The following FSIP1 variants were observed in gnomAD, a reference collection of about 807,000 sequenced individuals.
FSIP1 encodes the protein fibrous sheath interacting protein 1, also known as fibrous sheath-interacting protein 1.
In FSIP1, 65 loss-of-function variants were observed where a neutral mutation model predicts 60.9. That is an observed-to-expected ratio of 1.07 (90% CI 0.87 to 1.31). The LOEUF (loss-of-function observed/expected upper bound fraction) is 1.31. Among genes scored for constraint, FSIP1 ranks in the 40% most tolerant of loss-of-function variants. The pLI is 0.00. For synonymous variants in FSIP1, 209 were observed against 221.2 expected (o/e 0.94, Z 0.49); for missense variants, 675 against 665.5 (o/e 1.01, Z -0.16).
intron 11 of FSIP1, among the ~76,000 whole-genome samples, 155 bp downstream of exon 11, chr15:39,617,580 A>G (rs1359302065): frequency 6.6e-6 from 1 of 152,234 alleles, no homozygotes; most frequent in Non-Finnish European, 1.5e-5. Flanking sequence ...TCATAAGAGC[A>G]TTGGGAAATA....
intron 10 of FSIP1, among the ~76,000 whole-genome samples, chr15:39,650,908 C>T (rs1892841446): frequency 6.6e-6 from 1 of 152,182 alleles, no homozygotes; most frequent in South Asian, 2.1e-4. Flanking sequence ...ATTTAGGTTT[C>T]CTGTCATTTG....
At chr15:39,657,374 T>C (rs1893112316) in intron 10 of FSIP1, among the ~76,000 whole-genome samples, 1 of 152,162 alleles carries the variant, frequency 6.6e-6, no homozygotes. Flanking sequence ...TTCACACACA[T>C]CATATTTGAT....
intron 10 of FSIP1, among the ~76,000 whole-genome samples, chr15:39,711,227 T>C (rs1458667725): frequency 1.3e-5 from 2 of 152,172 alleles, no homozygotes; most frequent in African/African-American, 2.4e-5. Context: ...GCTGGCAGGT[T>C]TGGTGCCTAG....
At chr15:39,736,259 AC>A (rs1482458624) in intron 8 of FSIP1, among the ~76,000 whole-genome samples, 3 of 151,800 alleles carry the variant, frequency 2.0e-5, no homozygotes, top group Admixed American at 1.3e-4. Context: ...TCCCTCACCC[AC>A]CCCTTTCCCC....
intron 11 of FSIP1, among the ~76,000 whole-genome samples, chr15:39,610,289 T>C (rs11070223): frequency 0.21 from 32,654 of 152,134 alleles, 4,521 homozygotes; most frequent in African/African-American, 0.38. Context: ...CCAAAATTTG[T>C]GGAAATATGA....
At chr15:39,749,837 T>C (rs947761396) in intron 5 of FSIP1, among the ~76,000 whole-genome samples, 31 of 151,886 alleles carry the variant, frequency 2.0e-4, no homozygotes, top group African/African-American at 7.2e-4. Context: ...AAAGAAATAA[T>C]AGGCATCCAA....
chr15:39,611,310 G>T (rs1891021359), intron 11 of FSIP1, among the ~76,000 whole-genome samples: 1 of 152,058 alleles, frequency 6.6e-6, no homozygotes, highest in African/African-American at 2.4e-5. Context: ...AAGATATTTT[G>T]TTGTTGTTTT....
chr15:39,771,312 AG>A (rs1270208460), intron 2 of FSIP1, among the ~76,000 whole-genome samples: 1 of 152,202 alleles, frequency 6.6e-6, no homozygotes, highest in African/African-American at 2.4e-5. Flanking sequence ...AGAGAGAGTC[AG>A]CCCTTTCTCA....
chr15:39,673,212 TA>T (rs1466197271), intron 10 of FSIP1, among the ~76,000 whole-genome samples: 3 of 152,250 alleles, frequency 2.0e-5, no homozygotes, highest in Admixed American at 2.0e-4. Context: ...ATTCTCTTTT[TA>T]CTAACCTAGG....
chr15:39,749,391 G>C (rs1027877731), intron 5 of FSIP1, among the ~76,000 whole-genome samples: 1 of 149,854 alleles, frequency 6.7e-6, no homozygotes, highest in African/African-American at 2.5e-5. Context: ...AATCTCTGAT[G>C]AACATTGATG....
chr15:39,629,374 G>A (rs1891785765), intron 10 of FSIP1, among the ~76,000 whole-genome samples: 1 of 152,132 alleles, frequency 6.6e-6, no homozygotes, highest in Non-Finnish European at 1.5e-5. Flanking sequence ...TAACCACAAA[G>A]TAACCAGAAA....
At chr15:39,661,770 A>G (rs1436700481) in intron 10 of FSIP1, among the ~76,000 whole-genome samples, 1 of 152,170 alleles carries the variant, frequency 6.6e-6, no homozygotes, top group Non-Finnish European at 1.5e-5. Flanking sequence ...AACCACACAT[A>G]TTAATTTTTG....
At chr15:39,631,449 CAGACAGACAGACAA>C (rs1461324080) in intron 10 of FSIP1, among the ~76,000 whole-genome samples, 2 of 152,190 alleles carry the variant, frequency 1.3e-5, no homozygotes, top group African/African-American at 2.4e-5. Context: ...CCAGCAAGGG[CAGACAGACAGACAA>C]ACTGGTTGAA....
rs182112366 is a variant in FSIP1 at position 39,739,915 on chromosome 15, C to T, written c.656-126G>A. 1.2e-4 allele frequency: 67 copies of T among 545,350 alleles called. No homozygotes were observed. In the African/African-American group the frequency reaches 1.3e-3, roughly 10 times the overall value. 33.8% of individuals were successfully genotyped at this position (545,350 alleles called of 1,614,324 possible). Reference sequence around the variant, plus strand: ...ACACAGAAGAACTAACTTCTACATTCCAGATCCAGAAACCTAATATATAAT... The same window carrying T: ...ACACAGAAGAACTAACTTCTACATTTCAGATCCAGAAACCTAATATATAAT... On this transcript the variant is annotated intron_variant, in intron 6 of 11. Coordinates refer to ENST00000350221, the MANE Select transcript of FSIP1 (RefSeq NM_152597.5).
chr15:39,603,994 T>C (rs1030293738), intron 11 of FSIP1, among the ~76,000 whole-genome samples: 1 of 152,224 alleles, frequency 6.6e-6, no homozygotes, highest in African/African-American at 2.4e-5. Context: ...TGCAATGTCA[T>C]GATCTCAGTT....
At chr15:39,726,546 T>C in intron 9 of FSIP1, 43 bp downstream of exon 9, 1 of 1,563,536 alleles carries the variant, frequency 6.4e-7, no homozygotes, top group Non-Finnish European at 8.8e-7. Flanking sequence ...GTGAACAGCT[T>C]TAGCACACAT....
At chr15:39,642,021 TTGACCTGAC>T in intron 10 of FSIP1, among the ~76,000 whole-genome samples, 1 of 152,218 alleles carries the variant, frequency 6.6e-6, no homozygotes, top group Non-Finnish European at 1.5e-5. Flanking sequence ...CCTTCATTTT[TTGACCTGAC>T]ATTTGATATT....
intron 11 of FSIP1, among the ~76,000 whole-genome samples, chr15:39,606,463 A>C (rs2140363997): frequency 6.6e-6 from 1 of 152,336 alleles, no homozygotes; most frequent in South Asian, 2.1e-4. Context: ...CTCTGTGTTA[A>C]GAACATTCAA....
chr15:39,755,297 G>A (rs1897267580), intron 5 of FSIP1, among the ~76,000 whole-genome samples: 1 of 152,020 alleles, frequency 6.6e-6, no homozygotes, highest in African/African-American at 2.4e-5. Flanking sequence ...GAGAATAAGA[G>A]TACCTTCCCT....
Sources: gnomAD v4.1 joint callset for allele counts (sites outside exome capture counted in the v4.1 genomes callset) on GRCh38, gnomAD v4.1.1 for gene constraint, MANE v1.5 for transcripts, NCBI Gene and HGNC (gene_info 2026-07-23, HGNC 2026-07-21) for gene names.